The following MARVELD3 variants were observed in gnomAD, a reference collection of about 807,000 sequenced individuals.
The protein encoded by MARVELD3 is MARVEL domain-containing protein 3.
In MARVELD3, 28 loss-of-function variants were observed where a neutral mutation model predicts 33.5. The observed-to-expected ratio is 0.84, with a 90% CI of 0.62 to 1.15. The LOEUF is 1.15. Ranked by LOEUF, MARVELD3 falls within the 50% of genes most tolerant of loss-of-function variation. The pLI, the probability that MARVELD3 is intolerant of heterozygous loss-of-function variation, is 0.00. For missense variants in MARVELD3, 582 were observed against 547.6 expected (o/e 1.06, Z -0.63); for synonymous variants, 241 against 230.4 (o/e 1.05, Z -0.42).
In MARVELD3 at chr16:71,634,275, C is replaced by T. The variant is rs2145280887; in HGVS notation, c.678C>T (p.Tyr226=). 2 of 1,614,204 alleles carry T rather than the reference C, an allele frequency of 1.2e-6. No homozygotes were observed. Among genetic ancestry groups the T allele is most frequent in the African/African-American group, 1.3e-5 (1 of 75,058 alleles). The change falls in exon 3 of 3, where the codon TAC becomes TAT. Residue 226 remains tyrosine, a synonymous_variant. Transcript: ENST00000268485. ...TGTCTTACAGTTCCACAGGGGGCTA[C>T]ACGGGCATCACCAGCTTGGGGGGCA... The part of the protein sequence containing the change: ...SSVSYSSTGG[Y]TGITSLGGIY...
intron 1 of MARVELD3, among the ~76,000 whole-genome samples, chr16:71,628,023 G>C (rs1034341173): frequency 6.6e-6 from 1 of 152,200 alleles, no homozygotes; most frequent in African/African-American, 2.4e-5. Flanking sequence ...TGGAGGCTGA[G>C]TCCAGTCTGT....
intron 1 of MARVELD3, among the ~76,000 whole-genome samples, chr16:71,627,587 T>A (rs2044487326): frequency 6.6e-6 from 1 of 151,800 alleles, no homozygotes; most frequent in Admixed American, 6.6e-5. Flanking sequence ...CACTGAAGGG[T>A]ACAGGTTTGT....
Position 71,626,903 on chromosome 16 carries a change from C to G in MARVELD3, c.467+207C>G. ...CTTCTCGTGGCCTGAACCCAACTAACAAAGCAAAAACCACCCCTGTGAGCA... is the reference window on the plus strand; with the variant it reads ...CTTCTCGTGGCCTGAACCCAACTAAGAAAGCAAAAACCACCCCTGTGAGCA... On this transcript the variant is annotated intron_variant, in intron 1 of 2. Transcript: ENST00000268485. The surrounding 1 kb of genome is among the most constrained non-coding windows in gnomAD (Gnocchi z 5.3). 1 of 489,120 alleles carries G rather than the reference C, an allele frequency of 2.0e-6. No homozygotes were observed. The highest frequency in any genetic ancestry group is 3.5e-6 in the Non-Finnish European group (1 of 289,174). The allele number at this position is 489,120 out of a possible 1,614,324, so 30.3% of individuals were successfully genotyped here.
At chr16:71,637,460 T>C (rs1365016372), downstream of MARVELD3, among the ~76,000 whole-genome samples, 1 of 152,212 alleles carries the variant, frequency 6.6e-6, no homozygotes, top group Non-Finnish European at 1.5e-5. Context: ...CTTGCTCTGC[T>C]GTAGGGAGAG....
chr16:71,629,628 G>T, intron 2 of MARVELD3, 134 bp downstream of exon 2: 1 of 535,894 alleles, frequency 1.9e-6, no homozygotes, highest in Non-Finnish European at 2.9e-6. Flanking sequence ...GTACTTGTGA[G>T]GTTCTTGTTT....
In MARVELD3 at chr16:71,635,638, G is replaced by A. The variant is rs1230728764; in HGVS notation, c.*835G>A. The A allele has an allele frequency of 1.0e-6, 1 of 984,892 alleles. No homozygotes were observed. Among genetic ancestry groups the A allele is most frequent in the African/African-American group, 1.8e-5 (1 of 57,086 alleles). 61.0% of individuals were successfully genotyped at this position (984,892 alleles called of 1,614,324 possible). A position where few individuals can be genotyped will look rare whatever the true frequency, so the allele number is the denominator to read the frequency against. On this transcript the variant is annotated 3_prime_UTR_variant, in exon 3 of 3. Coordinates refer to ENST00000268485, the MANE Select transcript of MARVELD3 (RefSeq NM_052858.6). Reference sequence around the variant, plus strand: ...ACCAAAAAAAAAAAAAGTTCATGGAGAGCCACATAGACATGAGACCACACT... The same window carrying A: ...ACCAAAAAAAAAAAAAGTTCATGGAAAGCCACATAGACATGAGACCACACT...
chr16:71,632,279 G>A (rs943603886), intron 2 of MARVELD3, among the ~76,000 whole-genome samples: 1 of 152,160 alleles, frequency 6.6e-6, no homozygotes, highest in Non-Finnish European at 1.5e-5. Context: ...TGGTTACATG[G>A]TACATAAATT....
intron 2 of MARVELD3, among the ~76,000 whole-genome samples, chr16:71,630,546 C>T (rs558102669): frequency 6.6e-6 from 1 of 151,726 alleles, no homozygotes; most frequent in African/African-American, 2.4e-5. Flanking sequence ...ATCGCTTGAA[C>T]CCGGGAGGCG....
rs370366568 is a variant in MARVELD3 at position 71,626,380 on chromosome 16, C to T, written c.151C>T (p.Arg51Trp). 1 of 1,546,086 alleles carries T rather than the reference C, an allele frequency of 6.5e-7. No individual in the cohort carries two copies. The highest frequency in any genetic ancestry group is 8.7e-7 in the Non-Finnish European group (1 of 1,145,032). ...PRRKRSSDGNRRRDGDRDPER... is the reference protein window; with the variant it reads ...PRRKRSSDGNWRRDGDRDPER... ...CAGGAAGCGAAGCAGCGACGGGAAC[C>T]GGCGAAGGGACGGGGACCGGGACCC... The change falls in exon 1 of 3, where the codon CGG becomes TGG. Residue 51 changes from arginine (R) to tryptophan (W), a missense_variant. Transcript: ENST00000268485. This position sits in a 1 kb window ranked among gnomAD's most constrained non-coding sequence, Gnocchi z 5.3.
At chr16:71,627,931 G>A (rs983783705) in intron 1 of MARVELD3, among the ~76,000 whole-genome samples, 3 of 152,334 alleles carry the variant, frequency 2.0e-5, no homozygotes, top group East Asian at 1.9e-4. Context: ...ACAGGAGACA[G>A]GTCCGAGGTG....
At chr16:71,639,166 GGTTC>G (rs1179670938), downstream of MARVELD3, 2 of 149,230 alleles carry the variant, frequency 1.3e-5, no homozygotes, top group African/African-American at 5.0e-5. Flanking sequence ...CTGCCTTCCG[GGTTC>G]AAGTAATTCT....
At chr16:71,640,115 A>G (rs2044606447), downstream of MARVELD3, among the ~76,000 whole-genome samples, 1 of 152,014 alleles carries the variant, frequency 6.6e-6, no homozygotes, top group Non-Finnish European at 1.5e-5. Flanking sequence ...CTAAAAATAC[A>G]AAAATTAGCC....
downstream of MARVELD3, chr16:71,638,318 A>G (rs961416969): frequency 6.6e-6 from 1 of 152,326 alleles, no homozygotes; most frequent in Non-Finnish European, 1.5e-5. Context: ...AAATCCATCC[A>G]TACAATGAAG....
Position 71,629,485 on chromosome 16 carries a change from A to G in MARVELD3, c.586A>G (p.Thr196Ala). The G allele has an allele frequency of 6.4e-7, 1 of 1,569,850 alleles. No homozygotes were observed. The highest frequency in any genetic ancestry group is 1.2e-5 in the South Asian group (1 of 82,710). Residue 196 changes from threonine (T) to alanine (A), a missense_variant, in exon 2 of 3, where the codon ACT (threonine) becomes GCT (alanine). Coordinates refer to ENST00000268485, the MANE Select transcript of MARVELD3 (RefSeq NM_052858.6). ...ATGCCACAAATGCAAATACTTGTGCACTGGGAGAGGTGAGCCGTTTTGCAG... is the reference window on the plus strand; with the variant it reads ...ATGCCACAAATGCAAATACTTGTGCGCTGGGAGAGGTGAGCCGTTTTGCAG... Reference protein sequence around the residue: ...LECHKCKYLCTGRACCQMLEV... With the variant: ...LECHKCKYLCAGRACCQMLEV...
intron 2 of MARVELD3, among the ~76,000 whole-genome samples, chr16:71,633,714 T>A (rs74750528): frequency 1.2e-4 from 17 of 143,248 alleles, no homozygotes; most frequent in East Asian, 4.2e-4. Flanking sequence ...TTTTTTTTTT[T>A]AAATTAGAGA....
At chr16:71,627,235 G>T (rs2044483155) in intron 1 of MARVELD3, among the ~76,000 whole-genome samples, 2 of 152,254 alleles carry the variant, frequency 1.3e-5, no homozygotes. Flanking sequence ...CGGCGCGGTG[G>T]CTCATGCCTG....
chr16:71,628,545 A>G (rs1333747474), intron 1 of MARVELD3, among the ~76,000 whole-genome samples: 2 of 151,872 alleles, frequency 1.3e-5, no homozygotes, highest in African/African-American at 4.8e-5. Flanking sequence ...TCAAAACAAA[A>G]AAAAAAAAAG....
At position 71,634,509 on chromosome 16, in the gene MARVELD3, G is replaced by A. The variant is rs1164266968; in HGVS notation, c.912G>A (p.Val304=). 2 of 1,614,076 alleles carry A rather than the reference G, an allele frequency of 1.2e-6. No individual in the cohort carries two copies. Among genetic ancestry groups the A allele is most frequent in the Non-Finnish European group, 1.7e-6 (2 of 1,180,044 alleles). The change falls in exon 3 of 3, where the codon GTG becomes GTA. Residue 304 remains valine, a synonymous_variant. Transcript: ENST00000268485. ...RVPWHCPLLL[V]TEGLLDMLIA... The stretch of plus-strand genomic sequence containing the variant: ...CGTGGCATTGTCCACTGTTGCTGGT[G>A]ACCGAAGGCTTGTTGGACATGCTCA...
intron 2 of MARVELD3, among the ~76,000 whole-genome samples, chr16:71,633,464 G>A (rs911387343): frequency 6.6e-6 from 1 of 152,128 alleles, no homozygotes; most frequent in Non-Finnish European, 1.5e-5. Context: ...CGCGATCTCA[G>A]TTCACTGTAA....
Sources: allele counts gnomAD v4.1 joint callset (sites outside exome capture counted in the v4.1 genomes callset), GRCh38; gene constraint gnomAD v4.1.1; non-coding constraint Gnocchi (gnomAD v3.1); transcripts MANE v1.5; gene names NCBI Gene and HGNC (gene_info 2026-07-23, HGNC 2026-07-21).